SH2D4B: variants seen among roughly 807,000 people sequenced by gnomAD.
The protein encoded by SH2D4B is SH2 domain containing 4B, also known as SH2 domain-containing protein 4B.
A neutral mutation model predicts 61.5 loss-of-function variants in SH2D4B; 45 were observed. That is an observed-to-expected ratio of 0.73 (90% confidence interval 0.58 to 0.94). SH2D4B has a LOEUF of 0.94. Ranked by LOEUF, SH2D4B falls within the 40% of genes least tolerant of loss-of-function variation. SH2D4B has a pLI of 0.00. For synonymous variants in SH2D4B, 224 were observed against 220.4 expected, an observed-to-expected ratio of 1.02 and a Z score of -0.14; for missense variants, 572 against 574.2, an observed-to-expected ratio of 1.00 and a Z score of 0.04.
intron 4 of SH2D4B, among the ~76,000 whole-genome samples, chr10:80,589,176 G>A (rs1333316881): frequency 4.6e-5 from 7 of 151,846 alleles, no homozygotes; most frequent in South Asian, 2.1e-4. Context: ...GCTAATTTTC[G>A]TATTTTTAGT....
intron 3 of SH2D4B, among the ~76,000 whole-genome samples, chr10:80,572,808 C>T (rs1229930819): frequency 2.0e-5 from 3 of 147,790 alleles, no homozygotes; most frequent in Non-Finnish European, 3.0e-5. Flanking sequence ...TTAGTAGAGA[C>T]GGGGTTTCAC....
rs1220093340 is a variant in SH2D4B at position 80,538,807 on chromosome 10, A to G, written c.184+292A>G. On this transcript the variant is annotated intron_variant, in intron 1 of 7. Transcript: ENST00000646907. The surrounding 1 kb of genome is among the most constrained non-coding windows in gnomAD (Gnocchi z 4.8). The stretch of plus-strand genomic sequence containing the variant: ...AAGGCCCGAGTTCTGGGAAGACACC[A>G]TTGAGACTTCAGATTGTGCTCCGAC... Among the ~76,000 whole-genome samples the G allele has an allele frequency of 1.3e-5, 2 of 152,214 alleles. No homozygotes were observed. The highest frequency in any genetic ancestry group is 4.8e-5 in the African/African-American group (2 of 41,456).
chr10:80,574,163 G>T lies in SH2D4B; in HGVS notation c.495+2585G>T, dbSNP rs561247182. Among the ~76,000 whole-genome samples, 7 of 152,142 alleles carry T rather than the reference G, an allele frequency of 4.6e-5. No homozygotes were observed. In the South Asian group the frequency reaches 1.5e-3, roughly 32 times the overall value. ...GTTTTTTCTTTTTATTTGAGATAGG[G>T]TCTCACTCTGTTGCCCAGGCTAGAG... is the stretch of plus-strand genomic sequence containing the variant. On this transcript the variant is annotated intron_variant, in intron 3 of 7. Coordinates refer to ENST00000646907, the MANE Select transcript of SH2D4B (RefSeq NM_001388272.1).
intron 6 of SH2D4B, among the ~76,000 whole-genome samples, chr10:80,623,106 C>T (rs1052929989): frequency 1.3e-4 from 20 of 152,130 alleles, no homozygotes; most frequent in Admixed American, 1.0e-3. Context: ...GTAGAGACGG[C>T]GTTTTGCCAT....
intron 4 of SH2D4B, among the ~76,000 whole-genome samples, chr10:80,590,493 A>T (rs1019169026): frequency 1.3e-5 from 2 of 152,180 alleles, no homozygotes; most frequent in East Asian, 3.9e-4. Flanking sequence ...AAAAGGCATG[A>T]TTAATACACG....
chr10:80,627,795 A>G (rs1424451944), intron 6 of SH2D4B, among the ~76,000 whole-genome samples: 4 of 151,792 alleles, frequency 2.6e-5, no homozygotes, highest in African/African-American at 9.7e-5. Flanking sequence ...GAGGAAGAAG[A>G]AAAGGAAGAA....
At chr10:80,634,876 AG>A (rs1482949938) in intron 7 of SH2D4B, among the ~76,000 whole-genome samples, 1 of 152,160 alleles carries the variant, frequency 6.6e-6, no homozygotes, top group East Asian at 1.9e-4. Flanking sequence ...AGGACCTCCA[AG>A]CCAGACCTCT....
intron 6 of SH2D4B, among the ~76,000 whole-genome samples, chr10:80,614,898 G>A (rs763448851): frequency 6.6e-6 from 1 of 152,232 alleles, no homozygotes; most frequent in Non-Finnish European, 1.5e-5. Context: ...TCATTTCTCC[G>A]TTGATGTTGT....
chr10:80,570,332 G>A lies in SH2D4B; in HGVS notation c.347+16G>A, dbSNP rs768759357. The A allele has an allele frequency of 1.9e-6, 3 of 1,611,340 alleles. No individual in the cohort carries two copies. The highest frequency in any genetic ancestry group is 2.5e-6 in the Non-Finnish European group (3 of 1,179,524). On this transcript the variant is annotated intron_variant, in intron 2 of 7. Transcript: ENST00000646907. ...AGGAGCTCTGGTGAGGGGTGCTATG[G>A]GGTGTTGGGTGGGGCCTAGGCATGG...
intron 4 of SH2D4B, among the ~76,000 whole-genome samples, chr10:80,593,551 C>A (rs1371439457): frequency 6.6e-6 from 1 of 152,060 alleles, no homozygotes; most frequent in Non-Finnish European, 1.5e-5. Flanking sequence ...GATCTTGTAT[C>A]CTGTAACCTT....
chr10:80,570,185 A>G lies in SH2D4B; in HGVS notation c.216A>G (p.Leu72=), dbSNP rs1176509705. 6.2e-7 allele frequency: 1 copy of G among 1,614,096 alleles called. No homozygotes were observed. Among genetic ancestry groups the G allele is most frequent in the Non-Finnish European group, 8.5e-7 (1 of 1,179,992 alleles). The change falls in exon 2 of 8, where the codon CTA becomes CTG. Residue 72 remains leucine (L), a synonymous_variant. Coordinates refer to ENST00000646907, the MANE Select transcript of SH2D4B (RefSeq NM_001388272.1). ...GTGACAAGCACATCCAATGGCTCCT[A>G]GGGGCAGATGGCGAGGTCTGGGTCT... The part of the protein sequence containing the change: ...AASDKHIQWL[L]GADGEVWVWI...
chr10:80,570,380 C>T (rs4933445), intron 2 of SH2D4B, 64 bp downstream of exon 2: 478,638 of 1,556,068 alleles, frequency 0.31, 77,325 homozygotes, highest in East Asian at 0.49. Flanking sequence ...GCCCCACGCA[C>T]GGCTAATTTT....
At chr10:80,636,382 A>G (rs1840169068) in intron 7 of SH2D4B, among the ~76,000 whole-genome samples, 1 of 152,142 alleles carries the variant, frequency 6.6e-6, no homozygotes, top group African/African-American at 2.4e-5. Context: ...CACTGTTTTC[A>G]ACAAAGGTTG....
At chr10:80,609,124 T>C (rs1323192240) in intron 5 of SH2D4B, among the ~76,000 whole-genome samples, 1 of 152,210 alleles carries the variant, frequency 6.6e-6, no homozygotes, top group African/African-American at 2.4e-5. Context: ...GTGTGGCTGT[T>C]TTTTGAAGCA....
chr10:80,588,533 T>C, intron 3 of SH2D4B, 97 bp from the exon 4 acceptor site: 1 of 1,500,588 alleles, frequency 6.7e-7, no homozygotes, highest in Middle Eastern at 1.9e-4. Flanking sequence ...TGCTGCACTC[T>C]CAGCCCCATC....
At chr10:80,634,566 A>C in intron 7 of SH2D4B, 61 bp downstream of exon 7, 1 of 1,531,916 alleles carries the variant, frequency 6.5e-7, no homozygotes, top group Non-Finnish European at 8.8e-7. Flanking sequence ...GGAGCTGAAG[A>C]GAGAGCTAGA....
At chr10:80,571,868 G>C (rs1193352595) in intron 3 of SH2D4B, among the ~76,000 whole-genome samples, 2 of 151,334 alleles carry the variant, frequency 1.3e-5, no homozygotes. Flanking sequence ...TGCCTCCCGG[G>C]TTCACGCCAT....
In SH2D4B at chr10:80,644,062, G is replaced by A. The variant is rs779973204; in HGVS notation, c.1279G>A (p.Asp427Asn). 4 of 1,613,848 alleles carry A rather than the reference G, an allele frequency of 2.5e-6. No homozygotes were observed. Among genetic ancestry groups the A allele is most frequent in the Non-Finnish European group, 2.5e-6 (3 of 1,179,872 alleles). ...EPCGQRDSPP[D>N]YHLLFE ...CTGCGGACAGAGGGACAGCCCACCA[G>A]ACTACCATCTGTTGTTTGAATAATT... Residue 427 changes from aspartate (D) to asparagine (N), a missense_variant, in exon 8 of 8, where the codon GAC (aspartate) becomes AAC (asparagine). Coordinates refer to ENST00000646907, the MANE Select transcript of SH2D4B (RefSeq NM_001388272.1).
At chr10:80,544,848 G>A (rs1023749217) in intron 1 of SH2D4B, among the ~76,000 whole-genome samples, 2 of 152,164 alleles carry the variant, frequency 1.3e-5, no homozygotes, top group Non-Finnish European at 2.9e-5. Context: ...ACAGGCCTTT[G>A]CTGGCACCTG....
Sources: gnomAD v4.1 joint callset for allele counts (sites outside exome capture counted in the v4.1 genomes callset) on GRCh38, gnomAD v4.1.1 for gene constraint, Gnocchi (gnomAD v3.1) non-coding constraint, MANE v1.5 for transcripts, NCBI Gene and HGNC (gene_info 2026-07-23, HGNC 2026-07-21) for gene names.